Variants in RNGTT observed in about 807,000 individuals in gnomAD.
RNGTT encodes the protein RNA guanylyltransferase and 5'-phosphatase, also known as mRNA-capping enzyme.
In RNGTT, 33 loss-of-function variants were observed where a neutral mutation model predicts 79.3. The ratio of observed to expected loss-of-function variants is 0.42; its 90% confidence interval spans 0.32 to 0.56. The LOEUF (loss-of-function observed/expected upper bound fraction) is 0.56, where lower values mean the gene tolerates loss of function less well. Ranked by LOEUF, RNGTT falls within the 20% of genes least tolerant of loss-of-function variation. The pLI, the probability that RNGTT is intolerant of heterozygous loss-of-function variation, is 0.17. For missense variants in RNGTT, 497 were observed against 739.1 expected (o/e 0.67, Z 3.80); for synonymous variants, 222 against 235.9 (o/e 0.94, Z 0.54).
intron 13 of RNGTT, among the ~76,000 whole-genome samples, chr6:88,692,164 G>C (rs565467687): frequency 4.5e-4 from 68 of 152,240 alleles, no homozygotes; most frequent in Middle Eastern, 3.4e-3. Flanking sequence ...CTGAAAGAGA[G>C]GAGGCAAATG....
chr6:88,699,277 A>G (rs1056240789), intron 13 of RNGTT, among the ~76,000 whole-genome samples: 7 of 152,216 alleles, frequency 4.6e-5, no homozygotes, highest in Admixed American at 4.6e-4. Context: ...ACAATAATTA[A>G]AACAGCAATT....
rs148198008 is a variant in RNGTT, at chr6:88,931,511, G to A, written c.175-2244C>T. Among the ~76,000 whole-genome samples the A allele has an allele frequency of 4.5e-3, 691 of 152,216 alleles. 5 individuals are homozygous for A. Among genetic ancestry groups the A allele is most frequent in the African/African-American group, 0.015 (634 of 41,518 alleles). ...TTGTGGATTTTTGAAGTAAGTGAAC[G>A]TATTGTCTATTTCTAAAATGACAAA... On this transcript the variant is annotated intron_variant, in intron 2 of 15. Coordinates refer to ENST00000369485, the MANE Select transcript of RNGTT (RefSeq NM_003800.5).
chr6:88,740,411 G>C (rs1777446185), intron 13 of RNGTT, among the ~76,000 whole-genome samples: 1 of 151,856 alleles, frequency 6.6e-6, no homozygotes, highest in Admixed American at 6.6e-5. Context: ...CCAGCTACTC[G>C]AGAGGCTGAG....
Position 88,698,200 on chromosome 6 carries a change from G to GATATATATGAAATATATATATCAT in RNGTT, c.1440-19805_1440-19782dup, listed in dbSNP as rs1226405784. Reference sequence around the variant, plus strand: ...TATGATATATATATGAAATATATATGATATATATGAAATATATATATCATA... The same window carrying GATATATATGAAATATATATATCAT: ...TATGATATATATATGAAATATATATGATATATATGAAATATATATATCATATATATATGAAATATATATATCATA... On this transcript the variant is annotated intron_variant, in intron 13 of 15. Coordinates refer to ENST00000369485, the MANE Select transcript of RNGTT (RefSeq NM_003800.5). 3.5e-3 allele frequency among the ~76,000 whole-genome samples: 282 copies of GATATATATGAAATATATATATCAT among 81,300 alleles called. 23 individuals carry two copies. Among genetic ancestry groups the GATATATATGAAATATATATATCAT allele is most frequent in the East Asian group, 0.031 (111 of 3,612 alleles). 53.3% of individuals were successfully genotyped at this position (81,300 alleles called of 152,430 possible).
At chr6:88,860,838 AC>A (rs35649536) in intron 8 of RNGTT, among the ~76,000 whole-genome samples, 10,483 of 144,788 alleles carry the variant, frequency 0.072, 438 homozygotes, top group South Asian at 0.18. Context: ...AAAAAAAAAA[AC>A]ATGTTAATGG....
chr6:88,928,974 G>C lies in RNGTT; in HGVS notation c.367+11C>G, dbSNP rs1354994993. On this transcript the variant is annotated intron_variant, in intron 4 of 15. Coordinates refer to ENST00000369485, the MANE Select transcript of RNGTT (RefSeq NM_003800.5). Reference sequence around the variant, plus strand: ...AAATATTCAACAGTGGCAAAGTAAAGCCAAACATACCTATAAGTTCAGGTG... The same window carrying C: ...AAATATTCAACAGTGGCAAAGTAAACCCAAACATACCTATAAGTTCAGGTG... The C allele has an allele frequency of 6.3e-7, 1 of 1,584,504 alleles. No individual in the cohort carries two copies. Among genetic ancestry groups the C allele is most frequent in the Non-Finnish European group, 8.6e-7 (1 of 1,164,560 alleles).
intron 12 of RNGTT, among the ~76,000 whole-genome samples, chr6:88,780,163 A>G (rs1779017299): frequency 6.6e-6 from 1 of 152,216 alleles, no homozygotes; most frequent in Non-Finnish European, 1.5e-5. Context: ...TTTTGTGCCT[A>G]CAAAACACCT....
At chr6:88,801,724 A>C in intron 11 of RNGTT, 92 bp from the exon 12 acceptor site, 1 of 787,284 alleles carries the variant, frequency 1.3e-6, no homozygotes, top group Non-Finnish European at 2.1e-6. Flanking sequence ...AAACTTCTTA[A>C]TATATAAGTT....
chr6:88,784,534 T>G (rs926638972), intron 12 of RNGTT, among the ~76,000 whole-genome samples: 1 of 152,074 alleles, frequency 6.6e-6, no homozygotes, highest in Non-Finnish European at 1.5e-5. Context: ...AAATAGCATG[T>G]ATAAATACAT....
intron 13 of RNGTT, among the ~76,000 whole-genome samples, chr6:88,724,661 T>C (rs772991208): frequency 1.3e-4 from 20 of 152,224 alleles, no homozygotes; most frequent in Non-Finnish European, 2.4e-4. Context: ...ATAGAGTTCC[T>C]GCTCTTTTGA....
intron 2 of RNGTT, among the ~76,000 whole-genome samples, chr6:88,930,509 CCTATT>C (rs1025693641): frequency 2.6e-5 from 4 of 151,796 alleles, no homozygotes; most frequent in Non-Finnish European, 5.9e-5. Flanking sequence ...ATTTTCCTCT[CCTATT>C]CTTTCAGTAT....
intron 8 of RNGTT, among the ~76,000 whole-genome samples, chr6:88,889,447 G>T (rs9362583): frequency 0.21 from 31,998 of 151,950 alleles, 3,974 homozygotes; most frequent in African/African-American, 0.33. Flanking sequence ...ATGTTAAATG[G>T]AGATGGAGAT....
chr6:88,659,096 G>C (rs1051801698), intron 14 of RNGTT, among the ~76,000 whole-genome samples: 8 of 152,162 alleles, frequency 5.3e-5, no homozygotes, highest in African/African-American at 1.9e-4. Flanking sequence ...TGACATACAG[G>C]GGGAGAGCAA....
chr6:88,814,072 T>C lies in RNGTT; in HGVS notation c.1270-12440A>G, dbSNP rs544550642. On this transcript the variant is annotated intron_variant, in intron 11 of 15. Transcript: ENST00000369485. The stretch of plus-strand genomic sequence containing the variant: ...GTTAGGTAGAAAAATACATAGGCTG[T>C]ATTATCACAAGAGGTTTTATAAAAT... Among the ~76,000 whole-genome samples the C allele has an allele frequency of 3.3e-3, 289 of 88,416 alleles. 4 individuals carry two copies. Among genetic ancestry groups the C allele is most frequent in the African/African-American group, 8.4e-3 (280 of 33,410 alleles). The allele number at this position is 88,416 out of a possible 152,430, so 58.0% of individuals were successfully genotyped here. A position where few individuals can be genotyped will look rare whatever the true frequency, so the allele number is the denominator to read the frequency against.
intron 9 of RNGTT, among the ~76,000 whole-genome samples, 175 bp downstream of exon 9, chr6:88,853,454 G>A (rs1781738089): frequency 2.7e-5 from 4 of 149,210 alleles, no homozygotes; most frequent in South Asian, 4.2e-4. Flanking sequence ...GCAGTGAACC[G>A]AGATCCCGCC....
intron 14 of RNGTT, among the ~76,000 whole-genome samples, chr6:88,637,663 A>T (rs770436119): frequency 1.3e-5 from 2 of 152,090 alleles, no homozygotes; most frequent in African/African-American, 2.4e-5. Context: ...GTGTCATGTC[A>T]TAATTTCTCA....
intron 13 of RNGTT, among the ~76,000 whole-genome samples, chr6:88,688,259 A>G (rs1187416338): frequency 6.6e-6 from 1 of 152,226 alleles, no homozygotes; most frequent in African/African-American, 2.4e-5. Flanking sequence ...AGAGTTACAA[A>G]TAAGAAAAGG....
At chr6:88,933,455 T>C (rs1394698739) in intron 2 of RNGTT, among the ~76,000 whole-genome samples, 2 of 151,970 alleles carry the variant, frequency 1.3e-5, no homozygotes, top group Non-Finnish European at 2.9e-5. Flanking sequence ...CTATCGTCTA[T>C]CATTCTACTC....
intron 13 of RNGTT, among the ~76,000 whole-genome samples, chr6:88,700,282 A>G (rs1775901768): frequency 6.6e-6 from 1 of 152,044 alleles, no homozygotes; most frequent in Non-Finnish European, 1.5e-5. Context: ...TATCTCTCAT[A>G]TTCATCCCTT....
Sources: gnomAD v4.1 joint callset for allele counts (sites outside exome capture counted in the v4.1 genomes callset) on GRCh38, gnomAD v4.1.1 for gene constraint, MANE v1.5 for transcripts, NCBI Gene and HGNC (gene_info 2026-07-23, HGNC 2026-07-21) for gene names.